SF3B3: variants seen among roughly 807,000 people sequenced by gnomAD.
SF3B3 encodes the protein splicing factor 3b subunit 3.
A neutral mutation model predicts 139.2 loss-of-function variants in SF3B3; 33 were observed. The observed-to-expected ratio is 0.24, with a 90% CI of 0.18 to 0.32. SF3B3 has a LOEUF of 0.32. Ranked by LOEUF, SF3B3 falls within the 10% of genes least tolerant of loss-of-function variation. The pLI is 1.00. For missense variants in SF3B3, 818 were observed against 1,509.4 expected (o/e 0.54, Z 7.59); for synonymous variants, 596 against 563.6 (o/e 1.06, Z -0.81).
At chr16:70,539,228 C>T (rs772369059) in intron 8 of SF3B3, 21 bp downstream of exon 8, 2 of 1,520,106 alleles carry the variant, frequency 1.3e-6, no homozygotes, top group Non-Finnish European at 1.8e-6. Flanking sequence ...CTTCTGTTAC[C>T]CTAGTTCACC....
At chr16:70,558,920 A>G (rs1042622557) in intron 15 of SF3B3, among the ~76,000 whole-genome samples, 3 of 152,190 alleles carry the variant, frequency 2.0e-5, no homozygotes, top group African/African-American at 4.8e-5. Context: ...GACTAGCCAC[A>G]TGTGGCTTGG....
chr16:70,535,983 C>T (rs1474993538), intron 6 of SF3B3, among the ~76,000 whole-genome samples: 5 of 152,036 alleles, frequency 3.3e-5, no homozygotes, highest in Non-Finnish European at 4.4e-5. Context: ...TAATGGCTCC[C>T]GAGAACAAGG....
rs2050565482 is a variant in SF3B3, at chr16:70,575,142, C to A, written c.*3329C>A. On this transcript the variant is annotated 3_prime_UTR_variant, in exon 26 of 26. Transcript: ENST00000302516. ...GGTGTAGGCTACACACCAGTCTGAA[C>A]CAGCACAACCAAGAGTTGTTTCTCT... 1 of 151,818 alleles carries A rather than the reference C, an allele frequency of 6.6e-6. No homozygotes were observed. The highest frequency in any genetic ancestry group is 2.4e-5 in the African/African-American group (1 of 41,316). 9.4% of individuals were successfully genotyped at this position (151,818 alleles called of 1,614,324 possible).
intron 15 of SF3B3, 50 bp downstream of exon 15, chr16:70,557,079 T>G: frequency 6.6e-7 from 1 of 1,526,448 alleles, no homozygotes; most frequent in South Asian, 1.3e-5. Context: ...TCTGTACGTT[T>G]CACACACTCC....
intron 6 of SF3B3, among the ~76,000 whole-genome samples, chr16:70,537,424 C>A (rs1353091905): frequency 6.6e-6 from 1 of 152,158 alleles, no homozygotes; most frequent in Non-Finnish European, 1.5e-5. Flanking sequence ...TCCCTCTTCC[C>A]CGGCGTCTTT....
At chr16:70,563,794 T>C in intron 17 of SF3B3, 82 bp from the exon 18 acceptor site, 1 of 1,345,060 alleles carries the variant, frequency 7.4e-7, no homozygotes, top group Non-Finnish European at 1.0e-6. Context: ...TTGACGTGTT[T>C]GCTGACTGCT....
At chr16:70,563,767 C>T (rs969774396) in intron 17 of SF3B3, 109 bp from the exon 18 acceptor site, 9 of 1,031,322 alleles carry the variant, frequency 8.7e-6, no homozygotes, top group Non-Finnish European at 1.2e-5. Context: ...CTAATGCCAA[C>T]GTTAGAGCTC....
intron 10 of SF3B3, 38 bp from the exon 11 acceptor site, chr16:70,548,332 T>C (rs2050288562): frequency 6.4e-7 from 1 of 1,563,350 alleles, no homozygotes; most frequent in Admixed American, 1.7e-5. Context: ...CTGAGTTGCA[T>C]GCTCACTGGA....
chr16:70,546,655 A>AATGC (rs1395990766), intron 10 of SF3B3, among the ~76,000 whole-genome samples: 2 of 152,138 alleles, frequency 1.3e-5, no homozygotes. Flanking sequence ...TCTCTAAAAA[A>AATGC]ATGCATATGT....
chr16:70,530,673 A>G lies in SF3B3; in HGVS notation c.398-72A>G, dbSNP rs1050250443. The stretch of plus-strand genomic sequence containing the variant: ...ATGATTAAAAGAAAAGCATGATGTG[A>G]CTCTAGCTGTTCTATAAGTCTCTCT... On this transcript the variant is annotated intron_variant, in intron 3 of 25. Transcript: ENST00000302516. The G allele has an allele frequency of 2.5e-6, 3 of 1,224,184 alleles. No individual in the cohort carries two copies. In the African/African-American group the frequency reaches 4.6e-5, roughly 19 times the overall value. The allele number at this position is 1,224,184 out of a possible 1,614,324, so 75.8% of individuals were successfully genotyped here. A position where few individuals can be genotyped will look rare whatever the true frequency, so the allele number is the denominator to read the frequency against.
intron 10 of SF3B3, among the ~76,000 whole-genome samples, chr16:70,545,062 T>C (rs2050255063): frequency 1.3e-5 from 2 of 152,152 alleles, no homozygotes; most frequent in African/African-American, 4.8e-5. Context: ...ATACTTTTTA[T>C]TTATTTATTC....
At chr16:70,570,609 C>T (rs1597725826) in intron 24 of SF3B3, among the ~76,000 whole-genome samples, 1 of 152,158 alleles carries the variant, frequency 6.6e-6, no homozygotes, top group Non-Finnish European at 1.5e-5. Flanking sequence ...GGATTACAGG[C>T]GTGAGCCACC....
intron 17 of SF3B3, 125 bp downstream of exon 17, chr16:70,561,909 G>T (rs2050432661): frequency 1.3e-6 from 1 of 775,356 alleles, no homozygotes. Context: ...CATGAAGCTT[G>T]TGTGTTGCAA....
At chr16:70,564,977 C>T in intron 18 of SF3B3, 88 bp from the exon 19 acceptor site, 3 of 1,220,522 alleles carry the variant, frequency 2.5e-6, no homozygotes, top group South Asian at 1.2e-5. Context: ...ATTGAGAACC[C>T]CCTGGAGTGT....
At chr16:70,558,150 G>GTATCCTCTGTATCAAGC (rs2050395285) in intron 15 of SF3B3, among the ~76,000 whole-genome samples, 1 of 152,084 alleles carries the variant, frequency 6.6e-6, no homozygotes, top group Admixed American at 6.6e-5. Context: ...TCAAGTTCCT[G>GTATCCTCTGTATCAAGC]TATCCTCTGT....
intron 16 of SF3B3, among the ~76,000 whole-genome samples, chr16:70,560,911 G>A (rs1248751968): frequency 1.3e-5 from 2 of 152,178 alleles, no homozygotes; most frequent in African/African-American, 2.4e-5. Flanking sequence ...TTAGATCAGT[G>A]TCACGTTTAC....
In SF3B3 at chr16:70,530,916, A is replaced by G; in HGVS notation, c.569A>G (p.Glu190Gly). The G allele has an allele frequency of 6.2e-7, 1 of 1,609,136 alleles. No homozygotes were observed. Among genetic ancestry groups the G allele is most frequent in the Non-Finnish European group, 8.5e-7 (1 of 1,178,062 alleles). ...TTTGCTTGTCTGGAAATGGATTATG[A>G]GGTAATGGGGACCCTGTCTCTTTGC... ...PMFACLEMDY[E>G]EADNDPTGEA... The change falls in exon 4 of 26, where the codon GAG (glutamate) becomes GGG (glycine). Residue 190 changes from glutamate (E) to glycine (G), a missense_variant and splice_region_variant. This residue lies in a region of SF3B3 where 144 missense variants were observed against 259.2 expected (regional missense o/e 0.56). Transcript: ENST00000302516.
At chr16:70,553,425 G>C (rs944335371) in intron 11 of SF3B3, among the ~76,000 whole-genome samples, 2 of 152,166 alleles carry the variant, frequency 1.3e-5, no homozygotes, top group African/African-American at 4.8e-5. Flanking sequence ...AGCTGCTACT[G>C]CTAGGAGTGA....
At position 70,576,910 on chromosome 16, in the gene SF3B3, CCTTGAGCCCAGGAG is replaced by C. The variant is rs2050586127; in HGVS notation, c.*5098_*5111del. 1 of 152,238 alleles carries C rather than the reference CCTTGAGCCCAGGAG, an allele frequency of 6.6e-6. No individual in the cohort carries two copies. Among genetic ancestry groups the C allele is most frequent in the Admixed American group, 6.6e-5 (1 of 15,258 alleles). 9.4% of individuals were successfully genotyped at this position (152,238 alleles called of 1,614,324 possible). A position where few individuals can be genotyped will look rare whatever the true frequency, so the allele number is the denominator to read the frequency against. On this transcript the variant is annotated 3_prime_UTR_variant, in exon 26 of 26. Transcript: ENST00000302516. ...TTTGAGAGGCTGAGGCAGGAGGATC[CCTTGAGCCCAGGAG>C]TTTGAGACCAGCCTGGGCAACATGA...
Sources: allele counts gnomAD v4.1 joint callset (sites outside exome capture counted in the v4.1 genomes callset), GRCh38; gene constraint gnomAD v4.1.1; regional missense constraint gnomAD v4.1.1; transcripts MANE v1.5; gene names NCBI Gene and HGNC (gene_info 2026-07-23, HGNC 2026-07-21).